OPHN1: variants seen among roughly 807,000 people sequenced by gnomAD.
OPHN1 encodes oligophrenin-1.
In OPHN1, 11 loss-of-function variants were observed where a neutral mutation model predicts 60.7. That is an observed-to-expected ratio of 0.18 (90% CI 0.11 to 0.30). OPHN1 has a LOEUF of 0.30. OPHN1 is among the 10% of genes least tolerant of loss of function. The pLI, the probability that OPHN1 is intolerant of heterozygous loss-of-function variation, is 1.00. For synonymous variants in OPHN1, 226 were observed against 222.6 expected (o/e 1.02, Z -0.14); for missense variants, 449 against 611.0 (o/e 0.73, Z 2.80).
At chrX:68,340,260 A>G (rs962262363) in intron 2 of OPHN1, among the ~76,000 whole-genome samples, 1 of 112,448 alleles carries the variant, frequency 8.9e-6, no homozygotes, top group Non-Finnish European at 1.9e-5. Flanking sequence ...AGTCAAAACT[A>G]TCTTGAAAAA....
At chrX:68,321,541 A>G (rs1011523711) in intron 2 of OPHN1, among the ~76,000 whole-genome samples, 6 of 111,725 alleles carry the variant, frequency 5.4e-5, no homozygotes, top group Non-Finnish European at 1.1e-4. Context: ...ATTCTACCCA[A>G]AGTATGAGTG....
intron 17 of OPHN1, among the ~76,000 whole-genome samples, chrX:68,112,865 G>A (rs890546072): frequency 3.6e-5 from 4 of 111,962 alleles, no homozygotes; most frequent in Admixed American, 9.5e-5. Flanking sequence ...CTGTCCCCTG[G>A]TAATGTGAGC....
intron 15 of OPHN1, among the ~76,000 whole-genome samples, chrX:68,168,148 C>A (rs746984771): frequency 1.8e-5 from 2 of 110,651 alleles, no homozygotes; most frequent in African/African-American, 3.3e-5. Context: ...CTGCACCAAA[C>A]GGACCTAATA....
At chrX:68,115,765 C>T (rs2077124373) in intron 16 of OPHN1, among the ~76,000 whole-genome samples, 2 of 111,368 alleles carry the variant, frequency 1.8e-5, no homozygotes, top group Admixed American at 9.5e-5. Context: ...CTGATGTTGA[C>T]AAAAAGAGTG....
intron 2 of OPHN1, among the ~76,000 whole-genome samples, chrX:68,372,700 T>A (rs1409145887): frequency 1.8e-5 from 2 of 110,686 alleles, no homozygotes; most frequent in Non-Finnish European, 3.8e-5. Context: ...TTTTGCCACA[T>A]CTGGAAGCTC....
At chrX:68,341,703 C>T (rs112181302) in intron 2 of OPHN1, among the ~76,000 whole-genome samples, 3 of 108,981 alleles carry the variant, frequency 2.8e-5, no homozygotes, top group Non-Finnish European at 5.7e-5. Context: ...CCAGGCATGG[C>T]GGCACGAGCC....
chrX:68,405,488 G>A (rs1436715263), intron 2 of OPHN1, among the ~76,000 whole-genome samples: 1 of 111,612 alleles, frequency 9.0e-6, no homozygotes. Context: ...ACCATGCCTG[G>A]CCCATTATAG....
At chrX:68,267,385 C>A (rs1198577033) in intron 5 of OPHN1, among the ~76,000 whole-genome samples, 1 of 111,732 alleles carries the variant, frequency 8.9e-6, no homozygotes, top group Admixed American at 9.5e-5. Flanking sequence ...CACTCAAAAC[C>A]GCTCAACTAC....
chrX:68,322,238 C>T lies in OPHN1; in HGVS notation c.155-23142G>A, dbSNP rs140559352. 3.1e-3 allele frequency among the ~76,000 whole-genome samples: 351 copies of T among 111,612 alleles called. 2 individuals carry two copies. The highest frequency in any genetic ancestry group is 0.011 in the African/African-American group (339 of 30,721). On this transcript the variant is annotated intron_variant, in intron 2 of 24. Coordinates refer to ENST00000355520, the MANE Select transcript of OPHN1 (RefSeq NM_002547.3). Reference sequence around the variant, plus strand: ...CTGCCCACCTCAGACTCCCAAAGTGCTGGGATTACAGACATGGGTCACTGT... The same window carrying T: ...CTGCCCACCTCAGACTCCCAAAGTGTTGGGATTACAGACATGGGTCACTGT...
At chrX:68,079,857 C>A (rs2076967923) in intron 19 of OPHN1, among the ~76,000 whole-genome samples, 1 of 111,795 alleles carries the variant, frequency 8.9e-6, no homozygotes, top group Admixed American at 9.5e-5. Context: ...AAATCCTCCC[C>A]CTCTCTCACA....
intron 2 of OPHN1, among the ~76,000 whole-genome samples, chrX:68,341,006 GA>G (rs369219130): frequency 1.4e-3 from 58 of 41,714 alleles, no homozygotes; most frequent in African/African-American, 1.7e-3. Context: ...GTCTCAAAAA[GA>G]AAAAAAAAAA....
At chrX:68,076,172 A>G (rs1431983023) in intron 19 of OPHN1, among the ~76,000 whole-genome samples, 1 of 111,256 alleles carries the variant, frequency 9.0e-6, no homozygotes, top group East Asian at 2.8e-4. Flanking sequence ...AAATATTTGA[A>G]TAGACACTTT....
At chrX:68,128,651 C>T (rs2077181704) in intron 15 of OPHN1, among the ~76,000 whole-genome samples, 1 of 111,676 alleles carries the variant, frequency 9.0e-6, no homozygotes, top group Non-Finnish European at 1.9e-5. Flanking sequence ...CAACTTCATT[C>T]CAATTAATTA....
At chrX:68,317,662 GGAGGA>G (rs2078215387) in intron 2 of OPHN1, among the ~76,000 whole-genome samples, 1 of 88,807 alleles carries the variant, frequency 1.1e-5, no homozygotes, top group African/African-American at 4.5e-5. Context: ...AAGAAGAGAA[GGAGGA>G]AGGAGGAGGA....
chrX:68,295,739 G>A (rs1479828252), intron 3 of OPHN1, among the ~76,000 whole-genome samples: 1 of 112,007 alleles, frequency 8.9e-6, no homozygotes, highest in African/African-American at 3.2e-5. Flanking sequence ...CTGATCGTCA[G>A]GGGGAGGAAC....
chrX:68,105,011 C>T (rs12014566), intron 18 of OPHN1, among the ~76,000 whole-genome samples: 15,672 of 111,558 alleles, frequency 0.14, 1,005 homozygotes, highest in East Asian at 0.4. Context: ...TGAACAGACA[C>T]TTTTCAAAAG....
intron 21 of OPHN1, among the ~76,000 whole-genome samples, chrX:68,055,276 C>T (rs1022274288): frequency 2.7e-5 from 3 of 112,027 alleles, no homozygotes; most frequent in Non-Finnish European, 5.6e-5. Flanking sequence ...TTCACCTCTA[C>T]GACTGTAAAT....
chrX:68,331,905 G>T (rs901283007), intron 2 of OPHN1, among the ~76,000 whole-genome samples: 2 of 109,525 alleles, frequency 1.8e-5, no homozygotes, highest in African/African-American at 6.6e-5. Context: ...GTGTGGTGGT[G>T]CATGCCTGTA....
intron 5 of OPHN1, among the ~76,000 whole-genome samples, chrX:68,242,461 ACTG>A (rs1262602259): frequency 9.0e-6 from 1 of 111,676 alleles, no homozygotes; most frequent in African/African-American, 3.3e-5. Context: ...ACTCTTGTGA[ACTG>A]CTGATGGGAA....
Sources: allele counts gnomAD v4.1 joint callset (sites outside exome capture counted in the v4.1 genomes callset), GRCh38; gene constraint gnomAD v4.1.1; transcripts MANE v1.5; gene names NCBI Gene and HGNC (gene_info 2026-07-23, HGNC 2026-07-21).